The following CYTH3 variants were observed in gnomAD, a reference collection of about 807,000 sequenced individuals.
CYTH3 encodes cytohesin-3.
In CYTH3, 23 loss-of-function variants were observed where a neutral mutation model predicts 55.1. The ratio of observed to expected loss-of-function variants is 0.42; its 90% CI spans 0.30 to 0.59. The LOEUF (loss-of-function observed/expected upper bound fraction) is 0.59, where lower values mean the gene tolerates loss of function less well. Among genes scored for constraint, CYTH3 ranks in the 20% least tolerant of loss-of-function variants. CYTH3 has a pLI of 0.20. For missense variants in CYTH3, 413 were observed against 524.8 expected (o/e 0.79, Z 2.08); for synonymous variants, 249 against 194.9 (o/e 1.28, Z -2.31).
intron 1 of CYTH3, among the ~76,000 whole-genome samples, chr7:6,259,794 T>TATATATATATATATATATATA (rs1780276887): frequency 5.5e-5 from 1 of 18,068 alleles, no homozygotes; most frequent in Non-Finnish European, 7.9e-5. Flanking sequence ...AATATATATA[T>TATATATATATATATATATATA]ATATATATAT....
At chr7:6,216,319 T>G (rs1027717849) in intron 1 of CYTH3, among the ~76,000 whole-genome samples, 3 of 152,064 alleles carry the variant, frequency 2.0e-5, no homozygotes, top group Non-Finnish European at 2.9e-5. Flanking sequence ...ACTGGTAAAG[T>G]GACACCCCCA....
intron 4 of CYTH3, among the ~76,000 whole-genome samples, chr7:6,183,922 C>A (rs1015498182): frequency 6.6e-6 from 1 of 151,414 alleles, no homozygotes; most frequent in Non-Finnish European, 1.5e-5. Flanking sequence ...AGCAAGAAGG[C>A]GGCTACTAGC....
At chr7:6,227,348 T>C (rs1175076706) in intron 1 of CYTH3, among the ~76,000 whole-genome samples, 1 of 151,302 alleles carries the variant, frequency 6.6e-6, no homozygotes, top group Non-Finnish European at 1.5e-5. Context: ...GTGCAAATGG[T>C]TTAAAAAAAA....
At chr7:6,231,388 T>TG (rs1779387872) in intron 1 of CYTH3, among the ~76,000 whole-genome samples, 1 of 152,192 alleles carries the variant, frequency 6.6e-6, no homozygotes, top group Non-Finnish European at 1.5e-5. Context: ...CAAAGAGCCC[T>TG]GCAGGAGGGC....
intron 1 of CYTH3, among the ~76,000 whole-genome samples, chr7:6,258,030 C>T (rs916451495): frequency 1.3e-5 from 2 of 152,136 alleles, no homozygotes; most frequent in Admixed American, 6.6e-5. Context: ...GGGCTGGGCA[C>T]GGTGGCTCAC....
chr7:6,166,651 G>T (rs1783019177), intron 9 of CYTH3, among the ~76,000 whole-genome samples: 1 of 152,182 alleles, frequency 6.6e-6, no homozygotes, highest in African/African-American at 2.4e-5. Context: ...GGCTTTCCCT[G>T]TTGGGGCCTG....
At chr7:6,225,505 C>T (rs1779224782) in intron 1 of CYTH3, among the ~76,000 whole-genome samples, 1 of 151,884 alleles carries the variant, frequency 6.6e-6, no homozygotes, top group South Asian at 2.1e-4. Flanking sequence ...AGGCATGAAC[C>T]ACCATGCTAG....
chr7:6,168,654 G>A (rs541336825), intron 9 of CYTH3, among the ~76,000 whole-genome samples: 121 of 152,304 alleles, frequency 7.9e-4, no homozygotes, highest in African/African-American at 2.8e-3. Flanking sequence ...GGCACCCGGC[G>A]CCCAGCCAGC....
At position 6,187,684 on chromosome 7, in the gene CYTH3, A is replaced by G; in HGVS notation, c.155T>C (p.Ile52Thr). ...KYEIAEVMTE[I>T]DNLTSVEESK... is the part of the protein sequence containing the mutation. ...CTCCTCTACGGAAGTTAGATTGTCG[A>G]TCTCTGTCATCACCTCTGCAATTTC... The change falls in exon 3 of 13, where the codon ATC (isoleucine) becomes ACC (threonine). Residue 52 changes from isoleucine to threonine, a missense_variant. By Grantham distance (89) the Ile-to-Thr change is moderately conservative (BLOSUM62 -1). Around this residue, in one of 4 missense-constraint regions of CYTH3, gnomAD observed 152 missense variants for 148.1 expected, o/e 1.03. Transcript: ENST00000350796. 1 of 1,614,142 alleles carries G rather than the reference A, an allele frequency of 6.2e-7. No individual in the cohort carries two copies. The highest frequency in any genetic ancestry group is 8.5e-7 in the Non-Finnish European group (1 of 1,179,986).
chr7:6,197,336 T>C (rs921016297), intron 1 of CYTH3, among the ~76,000 whole-genome samples: 2 of 152,318 alleles, frequency 1.3e-5, no homozygotes, highest in Admixed American at 6.5e-5. Flanking sequence ...ATTCATGTCA[T>C]AGTATATAGG....
chr7:6,190,317 C>CA, intron 2 of CYTH3, 132 bp downstream of exon 2: 1 of 641,348 alleles, frequency 1.6e-6, no homozygotes, highest in Non-Finnish European at 2.3e-6. Flanking sequence ...CACTAAACAT[C>CA]TTTTTTTTTT....
chr7:6,251,263 G>T (rs1429178397), intron 1 of CYTH3, among the ~76,000 whole-genome samples: 2 of 151,168 alleles, frequency 1.3e-5, no homozygotes, highest in Non-Finnish European at 2.9e-5. Flanking sequence ...CAACAAGAGC[G>T]AAACACCGTC....
chr7:6,204,825 C>T (rs2128547670), intron 1 of CYTH3, among the ~76,000 whole-genome samples: 1 of 152,254 alleles, frequency 6.6e-6, no homozygotes, highest in East Asian at 1.9e-4. Context: ...TCATAAAGAC[C>T]ACATTCTCTG....
intron 4 of CYTH3, 98 bp from the exon 5 acceptor site, chr7:6,178,039 G>T: frequency 1.1e-6 from 1 of 870,804 alleles, no homozygotes. Context: ...TACTGGTATG[G>T]ACACAGCAAA....
intron 1 of CYTH3, among the ~76,000 whole-genome samples, chr7:6,218,103 G>A (rs1022204235): frequency 4.0e-5 from 6 of 151,820 alleles, no homozygotes; most frequent in Admixed American, 6.6e-5. Context: ...GACTTGAGCC[G>A]GGGAGGTGGG....
At chr7:6,211,814 T>C (rs1006949242) in intron 1 of CYTH3, among the ~76,000 whole-genome samples, 2 of 151,792 alleles carry the variant, frequency 1.3e-5, no homozygotes, top group African/African-American at 4.8e-5. Context: ...CTGGCCAAAA[T>C]GTCTCTACTA....
chr7:6,219,688 TACAGAGGAGACCC>T (rs1784504421), intron 1 of CYTH3, among the ~76,000 whole-genome samples: 1 of 151,896 alleles, frequency 6.6e-6, no homozygotes, highest in African/African-American at 2.4e-5. Flanking sequence ...CCCTGTGAAA[TACAGAGGAGACCC>T]ACAAGGTTTT....
intron 1 of CYTH3, among the ~76,000 whole-genome samples, chr7:6,248,211 G>C (rs1779870648): frequency 6.9e-6 from 1 of 144,060 alleles, no homozygotes; most frequent in African/African-American, 2.6e-5. Flanking sequence ...CTGAACAATA[G>C]TATTTAGACC....
rs140925125 is a variant in CYTH3 at position 6,207,996 on chromosome 7, A to G, written c.35-17465T>C. Among the ~76,000 whole-genome samples the G allele has an allele frequency of 6.6e-3, 1,007 of 152,090 alleles. 12 individuals carry two copies. Among genetic ancestry groups the G allele is most frequent in the African/African-American group, 0.023 (955 of 41,470 alleles). On this transcript the variant is annotated intron_variant, in intron 1 of 12. Coordinates refer to ENST00000350796, the MANE Select transcript of CYTH3 (RefSeq NM_004227.4). ...TTAGAAGCAGATAAAAAAAACGATTAATAACTGTTCTATAGGATGATACTT... is the reference window on the plus strand; with the variant it reads ...TTAGAAGCAGATAAAAAAAACGATTGATAACTGTTCTATAGGATGATACTT...
Sources: gnomAD v4.1 joint callset for allele counts (sites outside exome capture counted in the v4.1 genomes callset) on GRCh38, gnomAD v4.1.1 for gene constraint, gnomAD v4.1.1 regional missense constraint, MANE v1.5 for transcripts, NCBI Gene and HGNC (gene_info 2026-07-23, HGNC 2026-07-21) for gene names.